The following ATP9A variants were observed in gnomAD, a reference collection of about 807,000 sequenced individuals.
ATP9A encodes probable phospholipid-transporting ATPase IIA.
In ATP9A, 52 loss-of-function variants were observed where a neutral mutation model predicts 144.1. That is an observed-to-expected ratio of 0.36 (90% CI 0.29 to 0.45). ATP9A has a LOEUF of 0.45. Among genes scored for constraint, ATP9A ranks in the 20% least tolerant of loss-of-function variants. The pLI is 1.00. For synonymous variants in ATP9A, 582 were observed against 557.4 expected, an observed-to-expected ratio of 1.04 and a Z score of -0.62; for missense variants, 947 against 1,392.7, an observed-to-expected ratio of 0.68 and a Z score of 5.09.
chr20:51,730,088 G>C (rs1342726188), intron 1 of ATP9A, 110 bp from the exon 2 acceptor site: 2 of 1,201,346 alleles, frequency 1.7e-6, no homozygotes, highest in Non-Finnish European at 2.2e-6. Context: ...CTCTGGCTCA[G>C]GACCACAGCC....
chr20:51,621,361 A>C (rs1404499817), intron 19 of ATP9A, among the ~76,000 whole-genome samples: 1 of 152,044 alleles, frequency 6.6e-6, no homozygotes, highest in Non-Finnish European at 1.5e-5. Context: ...CTATGGACCA[A>C]AGGCGGGGTG....
chr20:51,730,887 G>A (rs62226744), intron 1 of ATP9A, among the ~76,000 whole-genome samples: 10,250 of 152,164 alleles, frequency 0.067, 774 homozygotes, highest in African/African-American at 0.19. Context: ...AGTAAGATTC[G>A]GCCAGCCATG....
At chr20:51,767,459 C>T (rs111668369) in intron 1 of ATP9A, among the ~76,000 whole-genome samples, 2 of 151,638 alleles carry the variant, frequency 1.3e-5, no homozygotes, top group African/African-American at 2.4e-5. Context: ...ACGAGAGCCC[C>T]GCAAACCTCA....
chr20:51,677,599 C>T (rs2077482843), intron 9 of ATP9A, among the ~76,000 whole-genome samples: 1 of 152,174 alleles, frequency 6.6e-6, no homozygotes, highest in Admixed American at 6.5e-5. Flanking sequence ...CCTTCATTAA[C>T]TATTATGGAA....
chr20:51,729,756 G>GACATA (rs1220357275), intron 2 of ATP9A, 78 bp downstream of exon 2: 1 of 1,406,554 alleles, frequency 7.1e-7, no homozygotes, highest in African/African-American at 1.5e-5. Context: ...AAAATAACAT[G>GACATA]ACATGACATA....
At chr20:51,676,092 G>C in intron 10 of ATP9A, 40 bp downstream of exon 10, 1 of 1,529,754 alleles carries the variant, frequency 6.5e-7, no homozygotes, top group South Asian at 1.2e-5. Flanking sequence ...GAACCAACCA[G>C]CCCACAGCCG....
Position 51,657,155 on chromosome 20 carries a change from A to G in ATP9A, c.1294-5T>C. Reference sequence around the variant, plus strand: ...AGCCGGTGGGTCCTGGGATTGCTACAGGAAGGAGAAATGAACAAGGAAGAT... The same window carrying G: ...AGCCGGTGGGTCCTGGGATTGCTACGGGAAGGAGAAATGAACAAGGAAGAT... On this transcript the variant is annotated splice_region_variant and splice_polypyrimidine_tract_variant and intron_variant, in intron 13 of 27. Coordinates refer to ENST00000338821, the MANE Select transcript of ATP9A (RefSeq NM_006045.3). 3 of 1,610,338 alleles carry G rather than the reference A, an allele frequency of 1.9e-6. No homozygotes were observed. The highest frequency in any genetic ancestry group is 2.5e-6 in the Non-Finnish European group (3 of 1,176,832).
At chr20:51,626,241 CA>C (rs1413940610) in intron 17 of ATP9A, among the ~76,000 whole-genome samples, 1 of 152,236 alleles carries the variant, frequency 6.6e-6, no homozygotes. Flanking sequence ...GTAATCCCAG[CA>C]CTCTAGAAGA....
At chr20:51,625,146 C>A in intron 18 of ATP9A, 46 bp downstream of exon 18, 2 of 1,561,920 alleles carry the variant, frequency 1.3e-6, no homozygotes, top group Non-Finnish European at 8.7e-7. Flanking sequence ...TGAGGGATAA[C>A]TGGCATTGCC....
Position 51,617,163 on chromosome 20 carries a change from A to T in ATP9A, c.2415+327T>A, listed in dbSNP as rs181839483. 2.1e-3 allele frequency among the ~76,000 whole-genome samples: 254 copies of T among 123,070 alleles called. 2 individuals are homozygous for T. The highest frequency in any genetic ancestry group is 8.4e-3 in the African/African-American group (249 of 29,570). The allele number at this position is 123,070 out of a possible 152,430, so 80.7% of individuals were successfully genotyped here. A position where few individuals can be genotyped will look rare whatever the true frequency, so the allele number is the denominator to read the frequency against. Reference sequence around the variant, plus strand: ...CTCTAAGTTGGCCAGGCTGGCCTCAAACTCCTGACCTCAAGTGATGATCCA... The same window carrying T: ...CTCTAAGTTGGCCAGGCTGGCCTCATACTCCTGACCTCAAGTGATGATCCA... On this transcript the variant is annotated intron_variant, in intron 22 of 27. Transcript: ENST00000338821.
At chr20:51,719,398 A>T (rs992464646) in intron 3 of ATP9A, among the ~76,000 whole-genome samples, 8 of 152,180 alleles carry the variant, frequency 5.3e-5, no homozygotes, top group South Asian at 2.1e-4. Context: ...AAAAATTTTT[A>T]AAAATGATTA....
intron 4 of ATP9A, among the ~76,000 whole-genome samples, chr20:51,698,705 G>A (rs62231472): frequency 0.018 from 2,784 of 152,284 alleles, 33 homozygotes; most frequent in Middle Eastern, 0.061. Flanking sequence ...TTAGACAGAC[G>A]AAGGACACTG....
At chr20:51,649,637 G>A (rs555937585) in intron 14 of ATP9A, among the ~76,000 whole-genome samples, 92 of 152,288 alleles carry the variant, frequency 6.0e-4, no homozygotes, top group South Asian at 1.0e-3. Context: ...CAGCTAGGCC[G>A]GGTGCAGTAG....
At chr20:51,623,137 C>T (rs2077233622) in intron 18 of ATP9A, among the ~76,000 whole-genome samples, 1 of 152,230 alleles carries the variant, frequency 6.6e-6, no homozygotes, top group African/African-American at 2.4e-5. Flanking sequence ...GGCTGAGCCT[C>T]CCGGGCCCTC....
At chr20:51,705,625 C>A (rs1214364308) in intron 4 of ATP9A, among the ~76,000 whole-genome samples, 2 of 152,178 alleles carry the variant, frequency 1.3e-5, no homozygotes, top group Non-Finnish European at 2.9e-5. Flanking sequence ...TCATTTAGTC[C>A]TTGATCAGAA....
intron 3 of ATP9A, 57 bp from the exon 4 acceptor site, chr20:51,713,131 A>C: frequency 6.7e-7 from 1 of 1,498,418 alleles, no homozygotes; most frequent in Non-Finnish European, 9.1e-7. Flanking sequence ...GCTGCAGCCA[A>C]CCGTCCCCTC....
chr20:51,671,366 C>T (rs1966877248), intron 11 of ATP9A, 109 bp from the exon 12 acceptor site: 1 of 1,322,414 alleles, frequency 7.6e-7, no homozygotes, highest in African/African-American at 1.4e-5. Flanking sequence ...CGGACTCACT[C>T]CCTGCAGAAG....
At chr20:51,753,306 G>T (rs1464257101) in intron 1 of ATP9A, among the ~76,000 whole-genome samples, 1 of 152,076 alleles carries the variant, frequency 6.6e-6, no homozygotes, top group Non-Finnish European at 1.5e-5. Context: ...TTAGCTGGGC[G>T]TGGTGGTGTG....
intron 3 of ATP9A, among the ~76,000 whole-genome samples, chr20:51,722,827 C>T (rs373607442): frequency 2.0e-5 from 3 of 152,310 alleles, no homozygotes; most frequent in African/African-American, 4.8e-5. Flanking sequence ...ATCCACCAAT[C>T]CCACTACTGG....
Sources: gnomAD v4.1 joint callset for allele counts (sites outside exome capture counted in the v4.1 genomes callset) on GRCh38, gnomAD v4.1.1 for gene constraint, MANE v1.5 for transcripts, NCBI Gene and HGNC (gene_info 2026-07-23, HGNC 2026-07-21) for gene names.